The following EPHA10 variants were observed in gnomAD, a reference collection of about 807,000 sequenced individuals.
The protein encoded by EPHA10 is ephrin type-A receptor 10.
A neutral mutation model predicts 109.7 loss-of-function variants in EPHA10; 120 were observed. The ratio of observed to expected loss-of-function variants is 1.09; its 90% CI spans 0.94 to 1.27. The LOEUF (loss-of-function observed/expected upper bound fraction) is 1.27, where lower values mean the gene tolerates loss of function less well. Among genes scored for constraint, EPHA10 ranks in the 50% most tolerant of loss-of-function variants. The pLI is 0.00. For synonymous variants in EPHA10, 640 were observed against 618.9 expected (o/e 1.03, Z -0.51); for missense variants, 1,396 against 1,411.1 (o/e 0.99, Z 0.17).
intron 5 of EPHA10, among the ~76,000 whole-genome samples, chr1:37,738,521 A>G (rs932720237): frequency 3.3e-5 from 5 of 152,230 alleles, no homozygotes; most frequent in African/African-American, 7.2e-5. Context: ...AAGTGTTGGC[A>G]AGGACATGAA....
chr1:37,741,194 A>T (rs1646147661), intron 5 of EPHA10, among the ~76,000 whole-genome samples: 1 of 152,210 alleles, frequency 6.6e-6, no homozygotes, highest in African/African-American at 2.4e-5. Flanking sequence ...TTTATGAAGT[A>T]ATGTGTTATG....
At position 37,716,178 on chromosome 1, in the gene EPHA10, C is replaced by CA; in HGVS notation, c.*2193dup. The stretch of plus-strand genomic sequence containing the variant: ...GGGTTCCCAGAGAGCCATCGCCCCA[C>CA]ATCACATCTGTGCAGGGCTGAGGCC... On this transcript the variant is annotated 3_prime_UTR_variant, in exon 17 of 17. Transcript: ENST00000373048. The CA allele has an allele frequency of 2.4e-6, 1 of 416,666 alleles. No homozygotes were observed. Among genetic ancestry groups the CA allele is most frequent in the South Asian group, 2.3e-5 (1 of 43,536 alleles). The allele number at this position is 416,666 out of a possible 1,614,324, so 25.8% of individuals were successfully genotyped here.
In EPHA10 at chr1:37,719,612, G is replaced by A; in HGVS notation, c.2563-5C>T. ...ATCCTCCACAGCCTTGATCACCTGG[G>A]CCACAGGGGTGGGGAGCAGAGAGGA... On this transcript the variant is annotated splice_region_variant and splice_polypyrimidine_tract_variant and intron_variant, in intron 14 of 16. Coordinates refer to ENST00000373048, the MANE Select transcript of EPHA10 (RefSeq NM_001099439.2). The A allele has an allele frequency of 6.2e-7, 1 of 1,612,944 alleles. No individual in the cohort carries two copies. Among genetic ancestry groups the A allele is most frequent in the Non-Finnish European group, 8.5e-7 (1 of 1,179,792 alleles).
intron 10 of EPHA10, chr1:37,722,415 C>A: frequency 4.4e-6 from 1 of 224,780 alleles, no homozygotes; most frequent in Non-Finnish European, 9.0e-6. Flanking sequence ...TTCTGTCCAG[C>A]GGGTCTGGAG....
At chr1:37,760,451 G>A in intron 3 of EPHA10, 1 of 1,055,596 alleles carries the variant, frequency 9.5e-7, no homozygotes, top group Non-Finnish European at 1.1e-6. Flanking sequence ...AGGGAGCACA[G>A]TGATTGTAGT....
downstream of EPHA10, chr1:37,715,897 G>A (rs1645684139): frequency 1.8e-6 from 1 of 562,846 alleles, no homozygotes; most frequent in African/African-American, 1.9e-5. Flanking sequence ...GGACACCCCT[G>A]TCCTCGAGGA....
intron 6 of EPHA10, among the ~76,000 whole-genome samples, chr1:37,733,198 CCTT>C (rs1646017461): frequency 6.6e-6 from 1 of 151,496 alleles, no homozygotes; most frequent in African/African-American, 2.4e-5. Flanking sequence ...CGGACTTGTT[CCTT>C]CTTTTTTGTT....
chr1:37,749,570 G>A (rs1646292208), intron 5 of EPHA10, among the ~76,000 whole-genome samples: 1 of 151,972 alleles, frequency 6.6e-6, no homozygotes, highest in South Asian at 2.1e-4. Context: ...CTACTCAGGA[G>A]GCTGAGGCAG....
intron 5 of EPHA10, among the ~76,000 whole-genome samples, chr1:37,752,620 C>A (rs1646345057): frequency 6.6e-6 from 1 of 152,168 alleles, no homozygotes; most frequent in African/African-American, 2.4e-5. Context: ...GCAACAGAAC[C>A]GCGCGCCTCC....
At chr1:37,744,052 A>C (rs908405530) in intron 5 of EPHA10, among the ~76,000 whole-genome samples, 1 of 152,214 alleles carries the variant, frequency 6.6e-6, no homozygotes, top group East Asian at 1.9e-4. Context: ...AAATAAAAGC[A>C]AGTCATCTGG....
intron 4 of EPHA10, 42 bp from the exon 5 acceptor site, chr1:37,753,268 G>A (rs1395102782): frequency 2.2e-5 from 26 of 1,196,338 alleles, no homozygotes; most frequent in Non-Finnish European, 2.6e-5. Flanking sequence ...CGGGGCGTGG[G>A]TGCCCGTGAG....
At chr1:37,753,317 AC>A in intron 4 of EPHA10, 91 bp from the exon 5 acceptor site, 1 of 867,170 alleles carries the variant, frequency 1.2e-6, no homozygotes, top group Non-Finnish European at 1.5e-6. Flanking sequence ...GGTCTTGTCC[AC>A]CCCCAGTGAG....
At chr1:37,731,683 G>A in intron 6 of EPHA10, 101 bp from the exon 7 acceptor site, 22 of 1,328,126 alleles carry the variant, frequency 1.7e-5, no homozygotes, top group Admixed American at 2.4e-5. Flanking sequence ...GCGCCCTTAC[G>A]TGAATGTGGG....
chr1:37,736,894 G>A (rs2148339070), intron 5 of EPHA10, among the ~76,000 whole-genome samples: 1 of 152,056 alleles, frequency 6.6e-6, no homozygotes, highest in African/African-American at 2.4e-5. Context: ...CTTAACCAAA[G>A]GGATGAAAGA....
intron 1 of EPHA10, among the ~76,000 whole-genome samples, chr1:37,763,781 T>G (rs185231321): frequency 1.3e-5 from 2 of 152,158 alleles, no homozygotes; most frequent in African/African-American, 4.8e-5. Flanking sequence ...GCATGAAGAC[T>G]TGAACATTTT....
chr1:37,715,840 C>A, downstream of EPHA10: 1 of 511,256 alleles, frequency 2.0e-6, no homozygotes. Context: ...ACGGCAGGAG[C>A]AGTGTTGGAC....
intron 5 of EPHA10, among the ~76,000 whole-genome samples, chr1:37,742,155 C>A (rs1646165077): frequency 6.6e-6 from 1 of 152,216 alleles, no homozygotes; most frequent in South Asian, 2.1e-4. Context: ...CAAGCACCGG[C>A]TCTCCAGCTG....
intron 10 of EPHA10, 158 bp downstream of exon 10, chr1:37,722,883 G>T: frequency 9.3e-7 from 1 of 1,078,516 alleles, no homozygotes; most frequent in Non-Finnish European, 1.4e-6. Context: ...CTTTCTGGGT[G>T]GAGGGTGGGC....
chr1:37,759,966 T>TA (rs1646417872), intron 3 of EPHA10, among the ~76,000 whole-genome samples: 2 of 152,248 alleles, frequency 1.3e-5, no homozygotes, highest in Non-Finnish European at 2.9e-5. Context: ...AGTCTTTCTC[T>TA]AAATTACAAT....
Sources: gnomAD v4.1 joint callset for allele counts (sites outside exome capture counted in the v4.1 genomes callset) on GRCh38, gnomAD v4.1.1 for gene constraint, MANE v1.5 for transcripts, NCBI Gene and HGNC (gene_info 2026-07-23, HGNC 2026-07-21) for gene names.